The following ATP11C variants were observed in gnomAD, a reference collection of about 807,000 sequenced individuals.
The protein encoded by ATP11C is ATPase phospholipid transporting 11C (ATP11C blood group), also known as phospholipid-transporting ATPase IG.
Under a neutral mutation model 97.4 loss-of-function variants are expected in ATP11C, and 36 were observed. The observed-to-expected ratio is 0.37, with a 90% CI of 0.28 to 0.49. ATP11C has a LOEUF of 0.49. Ranked by LOEUF, ATP11C falls within the 20% of genes least tolerant of loss-of-function variation. ATP11C has a pLI of 0.98. For missense variants in ATP11C, 730 were observed against 824.6 expected (o/e 0.89, Z 1.40); for synonymous variants, 275 against 290.9 (o/e 0.95, Z 0.56).
intron 19 of ATP11C, among the ~76,000 whole-genome samples, chrX:139,773,671 C>G (rs2082297388): frequency 8.9e-6 from 1 of 112,244 alleles, no homozygotes; most frequent in African/African-American, 3.2e-5. Context: ...TCACTGATGC[C>G]CAAGTACTAG....
intron 1 of ATP11C, among the ~76,000 whole-genome samples, chrX:139,888,623 A>G (rs780488157): frequency 3.6e-5 from 4 of 111,482 alleles, no homozygotes; most frequent in Non-Finnish European, 7.5e-5. Flanking sequence ...ATGCAACCTT[A>G]TATGTTGCTG....
Position 139,768,372 on chromosome X carries a change from A to T in ATP11C, c.2279T>A (p.Leu760Gln). 8.5e-7 allele frequency: 1 copy of T among 1,172,190 alleles called. No individual in the cohort carries two copies. Among genetic ancestry groups the T allele is most frequent in the South Asian group, 2.1e-5 (1 of 47,953 alleles). Residue 760 changes from leucine to glutamine, a missense_variant, in exon 20 of 30, where the codon CTA becomes CAA. Physicochemically the swap from Leu to Gln is moderately radical, Grantham distance 113. Coordinates refer to ENST00000682941, the MANE Select transcript of ATP11C (RefSeq NM_001353812.2). Reference protein sequence around the residue: ...IIDGSTLSLILNSSQDSSSNN... With the variant: ...IIDGSTLSLIQNSSQDSSSNN... ...TGAACTAGAGTCTTGACTAGAATTT[A>T]GTATGAGTGACAATGTGGAGCCATC...
At chrX:139,902,617 G>A (rs962554903) in intron 1 of ATP11C, among the ~76,000 whole-genome samples, 3 of 111,919 alleles carry the variant, frequency 2.7e-5, no homozygotes, top group African/African-American at 6.5e-5. Flanking sequence ...TAAACCTTAC[G>A]TCAAAATTCC....
chrX:139,768,579 A>G (rs1366197301), intron 19 of ATP11C, 145 bp from the exon 20 acceptor site: 9 of 324,496 alleles, frequency 2.8e-5, no homozygotes, highest in Non-Finnish European at 4.7e-5. Context: ...CTAAAGAAGC[A>G]ACTGCCTCTA....
chrX:139,821,653 G>T (rs1318784974), intron 2 of ATP11C, among the ~76,000 whole-genome samples: 1 of 111,820 alleles, frequency 8.9e-6, no homozygotes, highest in East Asian at 2.8e-4. Context: ...CTGCTTCCTG[G>T]AGGAATTCTG....
In ATP11C at chrX:139,754,446, C is replaced by G. The variant is rs73243376; in HGVS notation, c.2700+3362G>C. Among the ~76,000 whole-genome samples, 890 of 109,193 alleles carry G rather than the reference C, an allele frequency of 8.2e-3. 5 individuals are homozygous for G. The highest frequency in any genetic ancestry group is 0.023 in the Middle Eastern group (5 of 216). 94.8% of individuals were successfully genotyped at this position (109,193 alleles called of 115,157 possible). On this transcript the variant is annotated intron_variant, in intron 23 of 29. Coordinates refer to ENST00000682941, the MANE Select transcript of ATP11C (RefSeq NM_001353812.2). ...TGTAGCATTCCTACTGAAACTATTCCAAAAAAATTGAGAAGGAGGGACTCC... is the reference window on the plus strand; with the variant it reads ...TGTAGCATTCCTACTGAAACTATTCGAAAAAAATTGAGAAGGAGGGACTCC...
At chrX:139,810,867 GT>G (rs61703129) in intron 5 of ATP11C, among the ~76,000 whole-genome samples, 5,137 of 89,006 alleles carry the variant, frequency 0.058, 384 homozygotes, top group African/African-American at 0.2. Flanking sequence ...TAAATTCAGA[GT>G]TTTTTTTTTT....
At chrX:139,784,792 T>C (rs980210408) in intron 16 of ATP11C, among the ~76,000 whole-genome samples, 1 of 110,997 alleles carries the variant, frequency 9.0e-6, no homozygotes, top group East Asian at 2.8e-4. Flanking sequence ...TGTCAAGCAG[T>C]AGGGGAACCA....
At chrX:139,873,706 C>CAAAAAAAAA (rs58064711) in intron 1 of ATP11C, among the ~76,000 whole-genome samples, 1 of 17,317 alleles carries the variant, frequency 5.8e-5, no homozygotes, top group Admixed American at 7.2e-4. Flanking sequence ...GACTCCAACT[C>CAAAAAAAAA]AAAAAAAAAA....
intron 1 of ATP11C, among the ~76,000 whole-genome samples, chrX:139,861,841 C>G (rs1158425168): frequency 9.0e-6 from 1 of 110,862 alleles, no homozygotes; most frequent in Non-Finnish European, 1.9e-5. Flanking sequence ...CTTCCATAAC[C>G]CTTGTCATAA....
At chrX:139,826,224 G>A (rs1470084987) in intron 2 of ATP11C, among the ~76,000 whole-genome samples, 4 of 110,852 alleles carry the variant, frequency 3.6e-5, no homozygotes, top group Non-Finnish European at 7.6e-5. Context: ...TGGGACGTAG[G>A]AGTCTATTAA....
At chrX:139,844,501 T>C (rs989543453) in intron 1 of ATP11C, among the ~76,000 whole-genome samples, 2 of 112,381 alleles carry the variant, frequency 1.8e-5, no homozygotes, top group African/African-American at 3.2e-5. Flanking sequence ...AAACCTTCCA[T>C]ACTGCCCTGG....
intron 1 of ATP11C, among the ~76,000 whole-genome samples, chrX:139,901,674 G>C (rs2084901949): frequency 8.9e-6 from 1 of 111,827 alleles, no homozygotes; most frequent in South Asian, 3.7e-4. Flanking sequence ...ATATTGTATA[G>C]ATTTGGATGG....
At chrX:139,777,432 A>G (rs1283430441) in intron 18 of ATP11C, among the ~76,000 whole-genome samples, 3 of 109,800 alleles carry the variant, frequency 2.7e-5, no homozygotes, top group African/African-American at 9.9e-5. Context: ...AAAGAATTGC[A>G]GAGCTTGAAG....
intron 1 of ATP11C, chrX:139,832,213 C>A: frequency 8.3e-7 from 1 of 1,207,645 alleles, no homozygotes. Flanking sequence ...AATTTGGCAA[C>A]ACAATGGCAG....
chrX:139,816,781 A>G, intron 4 of ATP11C, 82 bp downstream of exon 4: 2 of 609,999 alleles, frequency 3.3e-6, no homozygotes, highest in East Asian at 3.8e-5. Context: ...CACTGTATAT[A>G]AATATGAAAA....
intron 1 of ATP11C, among the ~76,000 whole-genome samples, chrX:139,834,977 C>T (rs776863065): frequency 2.8e-4 from 32 of 112,440 alleles, no homozygotes; most frequent in Non-Finnish European, 5.1e-4. Flanking sequence ...AGTGACATCA[C>T]ATTCTGTACA....
intron 1 of ATP11C, among the ~76,000 whole-genome samples, chrX:139,867,229 T>C (rs1439563449): frequency 9.0e-6 from 1 of 111,697 alleles, no homozygotes; most frequent in Non-Finnish European, 1.9e-5. Context: ...CAAAAATCCC[T>C]TCCCTCATAG....
At chrX:139,902,004 A>C (rs1301375082) in intron 1 of ATP11C, among the ~76,000 whole-genome samples, 4 of 111,001 alleles carry the variant, frequency 3.6e-5, no homozygotes, top group Non-Finnish European at 7.5e-5. Flanking sequence ...CCCCAAAATC[A>C]CTAAGCTAAA....
Sources: allele counts gnomAD v4.1 joint callset (sites outside exome capture counted in the v4.1 genomes callset), GRCh38; gene constraint gnomAD v4.1.1; transcripts MANE v1.5; gene names NCBI Gene and HGNC (gene_info 2026-07-23, HGNC 2026-07-21).